KALRN: variants seen among roughly 807,000 people sequenced by gnomAD.
The protein encoded by KALRN is kalirin.
Under a neutral mutation model 353.7 loss-of-function variants are expected in KALRN, and 70 were observed. The observed-to-expected ratio is 0.20, with a 90% confidence interval of 0.16 to 0.24. The LOEUF (loss-of-function observed/expected upper bound fraction) is 0.24. Among genes scored for constraint, KALRN ranks in the 10% least tolerant of loss-of-function variants. The pLI is 1.00. For missense variants in KALRN, 2,791 were observed against 3,756.7 expected (o/e 0.74, Z 6.72); for synonymous variants, 1,391 against 1,434.8 (o/e 0.97, Z 0.69).
chr3:124,359,674 G>A (rs1426868542), intron 10 of KALRN, among the ~76,000 whole-genome samples: 1 of 152,144 alleles, frequency 6.6e-6, no homozygotes, highest in African/African-American at 2.4e-5. Context: ...GAGTGATGTG[G>A]AGATTAGAAA....
chr3:124,117,799 AG>A (rs1305172753), intron 1 of KALRN, among the ~76,000 whole-genome samples: 1 of 152,208 alleles, frequency 6.6e-6, no homozygotes, highest in Non-Finnish European at 1.5e-5. Context: ...GCATTCACCA[AG>A]TTACTGAACA....
rs140029739 is a variant in KALRN, at chr3:124,268,844, C to A, written c.558C>A (p.Ile186=). 1.2e-4 allele frequency: 196 copies of A among 1,613,968 alleles called. 1 individual carries two copies. The highest frequency in any genetic ancestry group is 1.5e-4 in the Non-Finnish European group (180 of 1,180,026). Residue 186 remains isoleucine, a synonymous_variant, in exon 5 of 60, where the codon ATC becomes ATA. Transcript: ENST00000682506. ...GSLDYNHEEW[I]ELRLSLEEFF... is the part of the protein sequence containing the mutation. ...TGGACTACAACCATGAGGAGTGGAT[C>A]GAACTGCGGCTCTCCCTGGAGGAGT...
intron 1 of KALRN, among the ~76,000 whole-genome samples, chr3:124,087,501 C>T (rs1184915807): frequency 6.6e-6 from 1 of 152,152 alleles, no homozygotes; most frequent in Non-Finnish European, 1.5e-5. Context: ...CCTTGGCGAT[C>T]TCATCGAATC....
At chr3:124,154,439 A>C (rs2068666276) in intron 1 of KALRN, among the ~76,000 whole-genome samples, 1 of 152,246 alleles carries the variant, frequency 6.6e-6, no homozygotes, top group African/African-American at 2.4e-5. Context: ...CAATGTACAA[A>C]AATCACAAGC....
chr3:124,360,011 A>G (rs919742613), intron 10 of KALRN, among the ~76,000 whole-genome samples: 3 of 152,254 alleles, frequency 2.0e-5, no homozygotes, highest in African/African-American at 7.2e-5. Flanking sequence ...TTATTTGACC[A>G]GTCAAACAAG....
intron 14 of KALRN, among the ~76,000 whole-genome samples, chr3:124,416,208 C>T (rs2092486194): frequency 6.6e-6 from 1 of 152,216 alleles, no homozygotes; most frequent in Non-Finnish European, 1.5e-5. Flanking sequence ...TGCCTGGAAA[C>T]CTGCAGCACT....
chr3:124,144,532 C>T (rs1011631058), intron 1 of KALRN, among the ~76,000 whole-genome samples: 8 of 152,084 alleles, frequency 5.3e-5, no homozygotes, highest in African/African-American at 1.7e-4. Flanking sequence ...TCCTCTTCCT[C>T]GTCCTCCTCC....
intron 1 of KALRN, among the ~76,000 whole-genome samples, chr3:124,048,908 T>C (rs1190145404): frequency 1.3e-5 from 2 of 152,208 alleles, no homozygotes; most frequent in Admixed American, 1.3e-4. Context: ...TTCTGGGACA[T>C]TATTTGGTCC....
At chr3:124,571,774 T>G (rs1052021763) in intron 34 of KALRN, among the ~76,000 whole-genome samples, 10 of 151,688 alleles carry the variant, frequency 6.6e-5, no homozygotes, top group African/African-American at 2.4e-4. Context: ...CCACAGGTGC[T>G]TGCCACCATC....
chr3:124,495,152 G>A (rs2063570141), intron 32 of KALRN, among the ~76,000 whole-genome samples: 1 of 152,186 alleles, frequency 6.6e-6, no homozygotes, highest in African/African-American at 2.4e-5. Flanking sequence ...TGCCAGGAGT[G>A]CACTCAGGAG....
intron 33 of KALRN, among the ~76,000 whole-genome samples, chr3:124,523,767 A>G (rs976458101): frequency 2.6e-5 from 4 of 152,182 alleles, no homozygotes; most frequent in Admixed American, 6.5e-5. Context: ...CATTTTCTCC[A>G]TGTCTGCACT....
intron 34 of KALRN, among the ~76,000 whole-genome samples, chr3:124,631,355 A>G (rs192551856): frequency 3.7e-4 from 57 of 152,114 alleles, no homozygotes; most frequent in East Asian, 1.2e-3. Flanking sequence ...CTGCTATTCA[A>G]TTTCTCCACT....
intron 1 of KALRN, among the ~76,000 whole-genome samples, chr3:124,225,140 A>G (rs1306335817): frequency 6.6e-6 from 1 of 152,166 alleles, no homozygotes; most frequent in Non-Finnish European, 1.5e-5. Context: ...CCCTGGGGGA[A>G]TTGATATGAT....
chr3:124,399,154 G>A (rs1266326132), intron 13 of KALRN, among the ~76,000 whole-genome samples: 2 of 151,916 alleles, frequency 1.3e-5, no homozygotes, highest in Non-Finnish European at 2.9e-5. Flanking sequence ...GTTTTGTTCT[G>A]TTGAGAAGGA....
At chr3:124,368,345 C>T (rs1391988387) in intron 10 of KALRN, among the ~76,000 whole-genome samples, 308 of 141,754 alleles carry the variant, frequency 2.2e-3, no homozygotes, top group African/African-American at 8.3e-3. Flanking sequence ...ATTTCTCAGA[C>T]GGGGCGGCCG....
intron 3 of KALRN, among the ~76,000 whole-genome samples, chr3:124,238,723 G>A (rs1198565045): frequency 6.6e-6 from 1 of 152,166 alleles, no homozygotes; most frequent in Non-Finnish European, 1.5e-5. Flanking sequence ...ACTCCAGGTG[G>A]AAATTTTGGG....
chr3:124,455,000 A>G lies in KALRN; in HGVS notation c.3553-177A>G. The G allele has an allele frequency of 4.9e-6, 3 of 615,668 alleles. No homozygotes were observed. The South Asian group carries it at 6.3e-5, about 13-fold the overall frequency. 38.1% of individuals were successfully genotyped at this position (615,668 alleles called of 1,614,324 possible). A position where few individuals can be genotyped will look rare whatever the true frequency, so the allele number is the denominator to read the frequency against. On this transcript the variant is annotated intron_variant, in intron 21 of 59. Coordinates refer to ENST00000682506, the MANE Select transcript of KALRN (RefSeq NM_001388419.1). ...TTTGCAGATGAAGAAATGGAGGCAC[A>G]GAGGGTTTCAATAACTTGCTCGAGA...
chr3:124,051,902 C>T (rs545848353), intron 1 of KALRN, among the ~76,000 whole-genome samples: 8 of 152,296 alleles, frequency 5.3e-5, no homozygotes, highest in African/African-American at 1.2e-4. Flanking sequence ...GGCTGGGTTT[C>T]GGAAGAACAG....
chr3:124,312,573 C>T (rs2078379538), intron 6 of KALRN, among the ~76,000 whole-genome samples: 1 of 152,170 alleles, frequency 6.6e-6, no homozygotes, highest in Non-Finnish European at 1.5e-5. Context: ...GAAAATATAA[C>T]CTTCCTAAAC....
Sources: allele counts gnomAD v4.1 joint callset (sites outside exome capture counted in the v4.1 genomes callset), GRCh38; gene constraint gnomAD v4.1.1; transcripts MANE v1.5; gene names NCBI Gene and HGNC (gene_info 2026-07-23, HGNC 2026-07-21).